Variants in CAMK4 observed in about 807,000 individuals in gnomAD.
CAMK4 encodes calcium/calmodulin-dependent protein kinase type IV.
In CAMK4, 22 loss-of-function variants were observed where a neutral mutation model predicts 44.9. That is an observed-to-expected ratio of 0.49 (90% confidence interval 0.35 to 0.70). The LOEUF is 0.70. CAMK4 is among the 30% of genes least tolerant of loss of function. CAMK4 has a pLI of 0.01. For missense variants in CAMK4, 498 were observed against 586.8 expected (o/e 0.85, Z 1.56); for synonymous variants, 218 against 215.4 (o/e 1.01, Z -0.11).
rs73786837 is a variant in CAMK4 at position 111,238,576 on chromosome 5, G to C, written c.161+13932G>C. On this transcript the variant is annotated intron_variant, in intron 1 of 10. Transcript: ENST00000282356. ...TTTTTTTTTAAGTTAAGCCACCCCA[G>C]TCTGTGGCACTTTGTTACCAGCCAG... Among the ~76,000 whole-genome samples the C allele has an allele frequency of 8.5e-3, 1,279 of 150,870 alleles. 19 individuals are homozygous for C. The highest frequency in any genetic ancestry group is 0.03 in the African/African-American group (1,223 of 40,934).
intron 1 of CAMK4, among the ~76,000 whole-genome samples, chr5:111,313,367 G>A (rs1031720124): frequency 1.3e-5 from 2 of 151,956 alleles, no homozygotes; most frequent in Non-Finnish European, 2.9e-5. Flanking sequence ...TCCCTCTATT[G>A]AACGGTCTGT....
chr5:111,239,314 T>A (rs1329044674), intron 1 of CAMK4, among the ~76,000 whole-genome samples: 3 of 152,128 alleles, frequency 2.0e-5, no homozygotes, highest in Non-Finnish European at 2.9e-5. Flanking sequence ...TTTATTGGAT[T>A]TTTTTTAACC....
chr5:111,482,992 A>T lies in CAMK4; in HGVS notation c.981+55A>T. ...GTTTTGTTTTCAAAAAATTTATCTC[A>T]TCTTGATCTATCAATAATAGTTCTA... On this transcript the variant is annotated intron_variant, in intron 10 of 10. Transcript: ENST00000282356. This position sits in a 1 kb window ranked among gnomAD's most constrained non-coding sequence, Gnocchi z 4.9. 7.1e-7 allele frequency: 1 copy of T among 1,402,984 alleles called. No individual in the cohort carries two copies. Among genetic ancestry groups the T allele is most frequent in the Non-Finnish European group, 9.7e-7 (1 of 1,031,638 alleles). The allele number at this position is 1,402,984 out of a possible 1,614,324, so 86.9% of individuals were successfully genotyped here.
intron 2 of CAMK4, among the ~76,000 whole-genome samples, chr5:111,356,124 G>A (rs1373939956): frequency 7.2e-6 from 1 of 138,582 alleles, no homozygotes; most frequent in Admixed American, 7.4e-5. Context: ...CACCAACAGT[G>A]TAAAAGTGTT....
intron 9 of CAMK4, 121 bp downstream of exon 9, chr5:111,478,628 A>G: frequency 2.1e-6 from 1 of 478,452 alleles, no homozygotes; most frequent in East Asian, 3.4e-5. Flanking sequence ...TCAATTTTAA[A>G]GTATTTTAAT....
chr5:111,404,103 T>C (rs996534585), intron 5 of CAMK4, among the ~76,000 whole-genome samples: 7 of 152,110 alleles, frequency 4.6e-5, no homozygotes, highest in Non-Finnish European at 1.0e-4. Context: ...GGGTAGGAAT[T>C]TTATGTTGAA....
At chr5:111,225,362 C>G (rs1370755696) in intron 1 of CAMK4, among the ~76,000 whole-genome samples, 1 of 152,222 alleles carries the variant, frequency 6.6e-6, no homozygotes, top group Non-Finnish European at 1.5e-5. Flanking sequence ...CCTATCCCTC[C>G]TCTGAAGATC....
chr5:111,412,271 A>G (rs1752657721), intron 5 of CAMK4, among the ~76,000 whole-genome samples: 1 of 151,672 alleles, frequency 6.6e-6, no homozygotes, highest in Admixed American at 6.5e-5. Flanking sequence ...GTTTTCCCAA[A>G]GAGGAGATGA....
chr5:111,424,645 C>T (rs1280640398), intron 5 of CAMK4, among the ~76,000 whole-genome samples: 1 of 151,574 alleles, frequency 6.6e-6, no homozygotes, highest in East Asian at 2.0e-4. Flanking sequence ...GATGGGGTTT[C>T]ACCATGTTAG....
At chr5:111,433,698 T>C (rs147257516) in intron 5 of CAMK4, among the ~76,000 whole-genome samples, 1 of 152,284 alleles carries the variant, frequency 6.6e-6, no homozygotes, top group East Asian at 1.9e-4. Context: ...AAAATCATTA[T>C]TAAGTACATG....
At chr5:111,401,574 G>A (rs540533565) in intron 5 of CAMK4, among the ~76,000 whole-genome samples, 1 of 152,086 alleles carries the variant, frequency 6.6e-6, no homozygotes, top group Admixed American at 6.5e-5. Context: ...GGCAAGAAAA[G>A]ATGAAATTGC....
chr5:111,387,821 G>A (rs773984296), intron 4 of CAMK4, among the ~76,000 whole-genome samples: 3 of 152,190 alleles, frequency 2.0e-5, no homozygotes, highest in Non-Finnish European at 2.9e-5. Flanking sequence ...CCTGCAGAAG[G>A]TTCTGGACAA....
chr5:111,225,146 G>A (rs531076280), intron 1 of CAMK4, among the ~76,000 whole-genome samples: 1 of 152,202 alleles, frequency 6.6e-6, no homozygotes, highest in African/African-American at 2.4e-5. Flanking sequence ...TGCAGAGTCT[G>A]CTCAGGAGTG....
At chr5:111,435,927 A>T (rs1753629455) in intron 5 of CAMK4, among the ~76,000 whole-genome samples, 3 of 152,180 alleles carry the variant, frequency 2.0e-5, no homozygotes. Context: ...CTTATATACA[A>T]ATAAATATTA....
At chr5:111,422,213 C>G (rs1458550900) in intron 5 of CAMK4, among the ~76,000 whole-genome samples, 1 of 152,224 alleles carries the variant, frequency 6.6e-6, no homozygotes, top group African/African-American at 2.4e-5. Context: ...ATGACACAAA[C>G]TTGCTACTTC....
rs1388284181 is a variant in CAMK4, at chr5:111,355,779, T to C, written c.240+11677T>C. On this transcript the variant is annotated intron_variant, in intron 2 of 10. Transcript: ENST00000282356. ...TTGGTTTTTTGTCCTTGCGATAGTTTACCGAGAATGATGATTTCCAATTTC... is the reference window on the plus strand; with the variant it reads ...TTGGTTTTTTGTCCTTGCGATAGTTCACCGAGAATGATGATTTCCAATTTC... Among the ~76,000 whole-genome samples the C allele has an allele frequency of 4.6e-5, 7 of 151,320 alleles. No individual in the cohort carries two copies. In the South Asian group the frequency reaches 1.5e-3, roughly 32 times the overall value.
chr5:111,312,004 A>G (rs1360595003), intron 1 of CAMK4, among the ~76,000 whole-genome samples: 1 of 152,240 alleles, frequency 6.6e-6, no homozygotes, highest in East Asian at 1.9e-4. Context: ...ATCTAAAAAT[A>G]TGAGATAGAG....
chr5:111,483,884 G>A (rs1295354343), intron 10 of CAMK4, 142 bp from the exon 11 acceptor site: 23 of 519,906 alleles, frequency 4.4e-5, no homozygotes, highest in African/African-American at 4.3e-4. Flanking sequence ...TTTTCTTTTG[G>A]CAAACAATCT....
intron 1 of CAMK4, among the ~76,000 whole-genome samples, chr5:111,228,757 G>A (rs1290412013): frequency 6.6e-6 from 1 of 152,170 alleles, no homozygotes; most frequent in Non-Finnish European, 1.5e-5. Context: ...ATTAAGCTAT[G>A]AGGCAGAGTC....
Sources: allele counts gnomAD v4.1 joint callset (sites outside exome capture counted in the v4.1 genomes callset), GRCh38; gene constraint gnomAD v4.1.1; non-coding constraint Gnocchi (gnomAD v3.1); transcripts MANE v1.5; gene names NCBI Gene and HGNC (gene_info 2026-07-23, HGNC 2026-07-21).